Variants in RGS7 observed in about 807,000 individuals in gnomAD.
RGS7 encodes regulator of G protein signaling 7.
RGS7 carries 27 observed loss-of-function variants against 81.1 expected under a neutral mutation model. That is an observed-to-expected ratio of 0.33 (90% CI 0.25 to 0.46). The LOEUF (loss-of-function observed/expected upper bound fraction) is 0.46. RGS7 is among the 20% of genes least tolerant of loss of function. RGS7 has a pLI of 1.00. For synonymous variants in RGS7, 208 were observed against 207.7 expected, an observed-to-expected ratio of 1.00 and a Z score of -0.01; for missense variants, 396 against 607.4, an observed-to-expected ratio of 0.65 and a Z score of 3.66.
chr1:240,843,678 G>T (rs1284629820), intron 9 of RGS7, among the ~76,000 whole-genome samples: 3 of 152,180 alleles, frequency 2.0e-5, no homozygotes, highest in African/African-American at 7.2e-5. Context: ...AAATAGCAGA[G>T]CTGAGGAGAA....
At chr1:241,304,666 C>G (rs984939791) in intron 2 of RGS7, among the ~76,000 whole-genome samples, 1 of 152,158 alleles carries the variant, frequency 6.6e-6, no homozygotes, top group Admixed American at 6.5e-5. Context: ...GAGTTATATA[C>G]TTAATGCTAA....
chr1:240,792,911 G>A (rs1196335809), intron 18 of RGS7, among the ~76,000 whole-genome samples: 1 of 152,070 alleles, frequency 6.6e-6, no homozygotes, highest in African/African-American at 2.4e-5. Context: ...TGTTGTTGTT[G>A]GATATAAGAA....
chr1:240,903,344 A>G (rs545276908), intron 6 of RGS7, among the ~76,000 whole-genome samples: 2 of 152,300 alleles, frequency 1.3e-5, no homozygotes, highest in East Asian at 3.9e-4. Context: ...ATGAAGGAAC[A>G]GAATTTTTAA....
chr1:241,315,086 C>CTTTT (rs1185938615), intron 2 of RGS7, among the ~76,000 whole-genome samples: 2 of 56,664 alleles, frequency 3.5e-5, no homozygotes, highest in South Asian at 1.4e-3. Flanking sequence ...ACAGTAGAAG[C>CTTTT]TTTTTTTTTT....
At chr1:240,970,646 C>G (rs1683052477) in intron 4 of RGS7, among the ~76,000 whole-genome samples, 2 of 152,124 alleles carry the variant, frequency 1.3e-5, no homozygotes, top group Admixed American at 6.5e-5. Flanking sequence ...AGAGCATTCC[C>G]AAGAGGCAAG....
intron 10 of RGS7, among the ~76,000 whole-genome samples, chr1:240,826,049 GT>G (rs1692753245): frequency 1.3e-5 from 2 of 152,162 alleles, no homozygotes; most frequent in Non-Finnish European, 2.9e-5. Context: ...ATAGTTCTTG[GT>G]GCCCTCAGGA....
At chr1:241,091,590 TAAATAAAA>T (rs1292942149) in intron 3 of RGS7, among the ~76,000 whole-genome samples, 17 of 136,128 alleles carry the variant, frequency 1.2e-4, no homozygotes, top group Non-Finnish European at 1.9e-4. Flanking sequence ...AATAAATAAA[TAAATAAAA>T]AAGCTGGCCG....
At chr1:241,182,124 G>A (rs562732628) in intron 2 of RGS7, among the ~76,000 whole-genome samples, 4 of 152,248 alleles carry the variant, frequency 2.6e-5, no homozygotes, top group Admixed American at 6.5e-5. Context: ...TGTTGGTCCC[G>A]TGCTAATTCT....
chr1:241,295,687 T>C (rs1458155802), intron 2 of RGS7, among the ~76,000 whole-genome samples: 2 of 152,160 alleles, frequency 1.3e-5, no homozygotes, highest in Non-Finnish European at 2.9e-5. Context: ...ATATTTTGAA[T>C]TAGAAAGGGC....
At chr1:241,159,151 T>C (rs918219088) in intron 2 of RGS7, among the ~76,000 whole-genome samples, 6 of 152,272 alleles carry the variant, frequency 3.9e-5, no homozygotes, top group Admixed American at 2.0e-4. Context: ...AATTCATTTT[T>C]ACTATATCAA....
chr1:240,785,684 T>C (rs1684944003), intron 18 of RGS7, among the ~76,000 whole-genome samples: 1 of 151,948 alleles, frequency 6.6e-6, no homozygotes. Flanking sequence ...GGGATGGGGG[T>C]CACTGGTCAC....
rs375521876 is a variant in RGS7 at position 241,252,904 on chromosome 1, C to T, written c.78+102795G>A. 1.1e-3 allele frequency among the ~76,000 whole-genome samples: 160 copies of T among 152,268 alleles called. 1 individual carries two copies. Among genetic ancestry groups the T allele is most frequent in the Middle Eastern group, 3.4e-3 (1 of 294 alleles). On this transcript the variant is annotated intron_variant, in intron 2 of 18. Transcript: ENST00000440928. The stretch of plus-strand genomic sequence containing the variant: ...ACTGCCCCCCTTATCCTCGGACTTG[C>T]TTCTAAGATTTGCTGTCTTGCTGAG...
intron 2 of RGS7, among the ~76,000 whole-genome samples, chr1:241,258,339 A>G (rs1205931611): frequency 6.6e-6 from 1 of 152,160 alleles, no homozygotes; most frequent in Admixed American, 6.5e-5. Flanking sequence ...ACCATTCTAG[A>G]CTAAAGGTCT....
chr1:241,214,173 CT>C (rs1558195940), intron 2 of RGS7, among the ~76,000 whole-genome samples: 2 of 152,266 alleles, frequency 1.3e-5, no homozygotes. Flanking sequence ...TGAAGACCCC[CT>C]CCTTGAGCAT....
intron 2 of RGS7, among the ~76,000 whole-genome samples, chr1:241,292,526 C>T (rs1019343580): frequency 1.2e-4 from 18 of 152,072 alleles, no homozygotes; most frequent in African/African-American, 3.9e-4. Context: ...GTGGTTTTCA[C>T]GTACTTAGTC....
intron 2 of RGS7, among the ~76,000 whole-genome samples, chr1:241,236,367 G>A (rs182280118): frequency 6.6e-6 from 1 of 152,238 alleles, no homozygotes; most frequent in Admixed American, 6.5e-5. Context: ...AGTGTGTAGA[G>A]TTAGCCATAA....
chr1:240,977,029 T>A lies in RGS7; in HGVS notation c.226+6050A>T, dbSNP rs573747251. ...ATCATTTATCTCTATCATTTATCTA[T>A]CTATCATCTATCATTTATCTATTTA... On this transcript the variant is annotated intron_variant, in intron 4 of 18. Transcript: ENST00000440928. Among the ~76,000 whole-genome samples, 3 of 151,772 alleles carry A rather than the reference T, an allele frequency of 2.0e-5. No homozygotes were observed. The East Asian group carries it at 5.8e-4, about 29-fold the overall frequency.
chr1:241,172,478 G>A (rs1216570369), intron 2 of RGS7, among the ~76,000 whole-genome samples: 1 of 152,174 alleles, frequency 6.6e-6, no homozygotes, highest in East Asian at 1.9e-4. Flanking sequence ...GCATGAAACA[G>A]CTATTGGAAT....
intron 4 of RGS7, among the ~76,000 whole-genome samples, chr1:240,962,037 C>T (rs1225488741): frequency 6.6e-6 from 1 of 152,144 alleles, no homozygotes; most frequent in Non-Finnish European, 1.5e-5. Flanking sequence ...GCTCCCCTTC[C>T]TTTTGAGTTC....
Sources: allele counts gnomAD v4.1 joint callset (sites outside exome capture counted in the v4.1 genomes callset), GRCh38; gene constraint gnomAD v4.1.1; transcripts MANE v1.5; gene names NCBI Gene and HGNC (gene_info 2026-07-23, HGNC 2026-07-21).